Variants in RBMS3 observed in about 807,000 individuals in gnomAD.
RBMS3 encodes RNA binding motif single stranded interacting protein 3.
A neutral mutation model predicts 66.8 loss-of-function variants in RBMS3; 27 were observed. The ratio of observed to expected loss-of-function variants is 0.40; its 90% CI spans 0.30 to 0.56. RBMS3 has a LOEUF of 0.56. Ranked by LOEUF, RBMS3 falls within the 20% of genes least tolerant of loss-of-function variation. The pLI is 0.40. For synonymous variants in RBMS3, 188 were observed against 183.0 expected (o/e 1.03, Z -0.22); for missense variants, 513 against 549.5 (o/e 0.93, Z 0.66).
Position 29,745,605 on chromosome 3 carries a change from G to T in RBMS3, c.557+5728G>T, listed in dbSNP as rs1391042174. 2.0e-5 allele frequency among the ~76,000 whole-genome samples: 3 copies of T among 152,170 alleles called. No individual in the cohort carries two copies. In the Middle Eastern group the frequency reaches 0.01, roughly 518 times the overall value. On this transcript the variant is annotated intron_variant, in intron 5 of 14. Coordinates refer to ENST00000383767, the MANE Select transcript of RBMS3 (RefSeq NM_001003793.3). The stretch of plus-strand genomic sequence containing the variant: ...GGAAGTGATGGGTGGGGGACAGGGG[G>T]AGCAGGGGGAGCATTCACAATTAAT...
At chr3:29,673,606 T>C (rs938719408) in intron 4 of RBMS3, among the ~76,000 whole-genome samples, 3 of 151,548 alleles carry the variant, frequency 2.0e-5, no homozygotes, top group African/African-American at 7.3e-5. Flanking sequence ...CAAACTACCA[T>C]CAGAGAATAC....
At chr3:29,365,381 G>GA (rs201021843) in intron 1 of RBMS3, among the ~76,000 whole-genome samples, 4 of 151,584 alleles carry the variant, frequency 2.6e-5, no homozygotes, top group Middle Eastern at 3.4e-3. Context: ...AAATTCAGTG[G>GA]AAAAAAACAT....
intron 4 of RBMS3, among the ~76,000 whole-genome samples, chr3:29,705,786 C>G (rs1304777190): frequency 6.6e-6 from 1 of 152,138 alleles, no homozygotes; most frequent in Non-Finnish European, 1.5e-5. Context: ...TATACAAATT[C>G]ATGCAAATAT....
intron 1 of RBMS3, among the ~76,000 whole-genome samples, chr3:29,359,994 C>A (rs2037468175): frequency 6.6e-6 from 1 of 152,050 alleles, no homozygotes; most frequent in African/African-American, 2.4e-5. Flanking sequence ...TTTCAAAAAA[C>A]CAGCTCCTGG....
chr3:29,531,452 A>G (rs2045348611), intron 3 of RBMS3, among the ~76,000 whole-genome samples: 1 of 152,218 alleles, frequency 6.6e-6, no homozygotes, highest in Admixed American at 6.5e-5. Context: ...TATGCTTGTT[A>G]TGAGATACGT....
At chr3:29,907,519 T>C (rs752438366) in intron 10 of RBMS3, among the ~76,000 whole-genome samples, 33 of 152,078 alleles carry the variant, frequency 2.2e-4, no homozygotes, top group Non-Finnish European at 4.1e-4. Context: ...TTTATTGTAT[T>C]AATATATTTG....
chr3:29,857,355 T>G (rs72848039), intron 6 of RBMS3, among the ~76,000 whole-genome samples: 17,268 of 151,016 alleles, frequency 0.11, 1,059 homozygotes, highest in African/African-American at 0.15. Context: ...ATTAAAAGAT[T>G]CCTCCCTATC....
chr3:29,670,680 C>T (rs2050959655), intron 4 of RBMS3, among the ~76,000 whole-genome samples: 1 of 152,210 alleles, frequency 6.6e-6, no homozygotes, highest in Non-Finnish European at 1.5e-5. Context: ...GATCGAACTG[C>T]AAGGCAGCAG....
intron 1 of RBMS3, among the ~76,000 whole-genome samples, chr3:29,313,767 C>G (rs2034516694): frequency 6.6e-6 from 1 of 151,592 alleles, no homozygotes; most frequent in African/African-American, 2.4e-5. Flanking sequence ...GTGTGCCAAA[C>G]AGGTGACTGG....
intron 1 of RBMS3, among the ~76,000 whole-genome samples, chr3:29,296,017 G>A (rs1009721516): frequency 6.6e-6 from 1 of 151,658 alleles, no homozygotes; most frequent in African/African-American, 2.4e-5. Flanking sequence ...TCTTCCTTTG[G>A]TAAGAAGATG....
chr3:29,518,687 T>C (rs545235328), intron 3 of RBMS3, among the ~76,000 whole-genome samples: 1 of 152,356 alleles, frequency 6.6e-6, no homozygotes, highest in South Asian at 2.1e-4. Flanking sequence ...TTTTTTAAAT[T>C]TGGTACAATA....
intron 12 of RBMS3, among the ~76,000 whole-genome samples, chr3:29,947,645 T>C (rs920539674): frequency 6.6e-6 from 1 of 151,440 alleles, no homozygotes; most frequent in Non-Finnish European, 1.5e-5. Context: ...GAATCTATTC[T>C]CCTTTTAGTA....
chr3:29,913,792 A>G (rs960732015), intron 10 of RBMS3, among the ~76,000 whole-genome samples: 2 of 151,936 alleles, frequency 1.3e-5, no homozygotes, highest in African/African-American at 4.8e-5. Flanking sequence ...TTTCCGATAA[A>G]GGCTTTTATC....
intron 1 of RBMS3, among the ~76,000 whole-genome samples, chr3:29,336,490 G>A (rs755604792): frequency 5.3e-5 from 8 of 151,944 alleles, no homozygotes; most frequent in Non-Finnish European, 1.0e-4. Flanking sequence ...CCTGTGAGAC[G>A]GTGTTTGTGG....
chr3:29,626,758 A>G (rs1159211979), intron 4 of RBMS3, among the ~76,000 whole-genome samples: 8 of 152,218 alleles, frequency 5.3e-5, no homozygotes, highest in Non-Finnish European at 1.2e-4. Flanking sequence ...AGTAAATAGA[A>G]CAAGGACATA....
At chr3:29,369,571 G>T (rs970505984) in intron 1 of RBMS3, among the ~76,000 whole-genome samples, 5 of 150,202 alleles carry the variant, frequency 3.3e-5, no homozygotes, top group African/African-American at 1.2e-4. Context: ...GAACAATGAA[G>T]AAAAAGTTCT....
intron 6 of RBMS3, among the ~76,000 whole-genome samples, chr3:29,824,789 A>C: frequency 6.6e-6 from 1 of 152,318 alleles, no homozygotes; most frequent in East Asian, 1.9e-4. Flanking sequence ...AAGCACACTA[A>C]TTTAAAAAAG....
intron 6 of RBMS3, among the ~76,000 whole-genome samples, chr3:29,786,977 C>A (rs1210311067): frequency 6.6e-6 from 1 of 151,956 alleles, no homozygotes; most frequent in Non-Finnish European, 1.5e-5. Context: ...TAATTCAAAT[C>A]AGCAAGAAAG....
chr3:29,851,466 C>T (rs1451990470), intron 6 of RBMS3, among the ~76,000 whole-genome samples: 2 of 152,128 alleles, frequency 1.3e-5, no homozygotes, highest in African/African-American at 4.8e-5. Context: ...TACTTAAACT[C>T]TCTCATCTTT....
Sources: allele counts gnomAD v4.1 joint callset (sites outside exome capture counted in the v4.1 genomes callset), GRCh38; gene constraint gnomAD v4.1.1; transcripts MANE v1.5; gene names NCBI Gene and HGNC (gene_info 2026-07-23, HGNC 2026-07-21).